Variants in MRPS6 observed in about 807,000 individuals in gnomAD.
MRPS6 encodes small ribosomal subunit protein bS6m.
In MRPS6, 6 loss-of-function variants were observed where a neutral mutation model predicts 13.1. The observed-to-expected ratio is 0.46, with a 90% CI of 0.25 to 0.91. MRPS6 has a LOEUF of 0.91. Among genes scored for constraint, MRPS6 ranks in the 40% least tolerant of loss-of-function variants. The probability of loss-of-function intolerance (pLI) is 0.18; values close to 1 mark genes in which losing one functional copy is unlikely to be tolerated. For synonymous variants in MRPS6, 61 were observed against 56.5 expected (o/e 1.08, Z -0.36); for missense variants, 164 against 155.6 (o/e 1.05, Z -0.29).
intron 1 of MRPS6, among the ~76,000 whole-genome samples, chr21:34,076,422 TG>T (rs1989332433): frequency 6.6e-6 from 1 of 152,116 alleles, no homozygotes; most frequent in African/African-American, 2.4e-5. Flanking sequence ...GATTTCAGAG[TG>T]TATTATGTAG....
intron 2 of MRPS6, among the ~76,000 whole-genome samples, chr21:34,128,647 T>C (rs897154726): frequency 6.6e-6 from 1 of 152,234 alleles, no homozygotes; most frequent in Non-Finnish European, 1.5e-5. Context: ...GTCTGTTGTT[T>C]ATAACTGAGA....
At chr21:34,076,611 C>T (rs1444087806) in intron 1 of MRPS6, among the ~76,000 whole-genome samples, 1 of 152,098 alleles carries the variant, frequency 6.6e-6, no homozygotes, top group Non-Finnish European at 1.5e-5. Flanking sequence ...TTTCAAGTAC[C>T]ATATAGCTTG....
At chr21:34,105,955 CAT>C (rs1156763312) in intron 1 of MRPS6, 12 of 992,604 alleles carry the variant, frequency 1.2e-5, no homozygotes, top group East Asian at 1.1e-4. Context: ...AAATTGTAAA[CAT>C]GTATGATCTT....
At chr21:34,105,166 AC>A (rs1979420739) in intron 1 of MRPS6, 1 of 999,992 alleles carries the variant, frequency 1.0e-6, no homozygotes, top group African/African-American at 1.7e-5. Context: ...CCCCACTGTT[AC>A]TGCTTCAGTT....
rs773441552 is a variant in MRPS6, at chr21:34,142,525, A to T, written c.303A>T (p.Glu101Asp). The change falls in exon 3 of 3, where the codon GAA becomes GAT. Residue 101 changes from glutamate (E) to aspartate (D), a missense_variant. Glu to Asp is a conservative substitution (Grantham distance 45). Coordinates refer to ENST00000399312, the MANE Select transcript of MRPS6 (RefSeq NM_032476.4). ...TTGTCAAACACCCTCTGACCCAGGA[A>T]CTAAAAGAATGTGAAGGGATTGTCC... is the stretch of plus-strand genomic sequence containing the variant. Reference protein sequence around the residue: ...GNIVKHPLTQELKECEGIVPV... With the variant: ...GNIVKHPLTQDLKECEGIVPV... 44 of 1,613,596 alleles carry T rather than the reference A, an allele frequency of 2.7e-5. No homozygotes were observed. The highest frequency in any genetic ancestry group is 3.6e-5 in the Non-Finnish European group (43 of 1,179,884).
intron 1 of MRPS6, among the ~76,000 whole-genome samples, chr21:34,091,575 T>C (rs188230053): frequency 3.9e-5 from 6 of 152,320 alleles, no homozygotes; most frequent in African/African-American, 1.4e-4. Context: ...TTCTATTTGG[T>C]CAAATGCAGC....
chr21:34,134,608 TA>T (rs1980622039), intron 2 of MRPS6, among the ~76,000 whole-genome samples: 1 of 152,324 alleles, frequency 6.6e-6, no homozygotes, highest in African/African-American at 2.4e-5. Context: ...ATAATAAACA[TA>T]TTTGTCACCC....
Position 34,130,118 on chromosome 21 carries a change from C to G in MRPS6, c.185+4638C>G, listed in dbSNP as rs190319270. 1.7e-3 allele frequency among the ~76,000 whole-genome samples: 253 copies of G among 152,284 alleles called. 2 individuals carry two copies. Among genetic ancestry groups the G allele is most frequent in the Non-Finnish European group, 2.8e-3 (190 of 68,014 alleles). On this transcript the variant is annotated intron_variant, in intron 2 of 2. Coordinates refer to ENST00000399312, the MANE Select transcript of MRPS6 (RefSeq NM_032476.4). ...TGCAAAGCCCTCCCATCCCCCTCCC[C>G]CATCCCCCCACCCACTGTGAGCCAC...
rs190094576 is a variant in MRPS6 at position 34,081,725 on chromosome 21, G to A, written c.45+7980G>A. ...AAGTGGTTATGTGACCTTGGAGGTAGTTAAGTGTAGTTCTGTCATTAAAGT... is the reference window on the plus strand; with the variant it reads ...AAGTGGTTATGTGACCTTGGAGGTAATTAAGTGTAGTTCTGTCATTAAAGT... On this transcript the variant is annotated intron_variant, in intron 1 of 2. Transcript: ENST00000399312. Among the ~76,000 whole-genome samples, 22 of 152,346 alleles carry A rather than the reference G, an allele frequency of 1.4e-4. No homozygotes were observed. The East Asian group carries it at 4.2e-3, about 29-fold the overall frequency.
chr21:34,100,005 G>A, intron 1 of MRPS6: 1 of 765,144 alleles, frequency 1.3e-6, no homozygotes, highest in Non-Finnish European at 1.6e-6. Flanking sequence ...TCTTAAGCTA[G>A]CAAAATGTTC....
chr21:34,104,869 A>G (rs1979406944), intron 1 of MRPS6: 3 of 1,000,282 alleles, frequency 3.0e-6, no homozygotes, highest in Non-Finnish European at 3.6e-6. Flanking sequence ...AACTGTACAA[A>G]AAAATGCTTC....
intron 2 of MRPS6, among the ~76,000 whole-genome samples, chr21:34,130,236 T>A (rs1980456293): frequency 6.6e-6 from 1 of 152,198 alleles, no homozygotes; most frequent in Non-Finnish European, 1.5e-5. Flanking sequence ...AAGCAAGCTC[T>A]TTTTATGGAA....
chr21:34,109,149 T>C (rs969721068), intron 1 of MRPS6, among the ~76,000 whole-genome samples: 5 of 152,196 alleles, frequency 3.3e-5, no homozygotes, highest in East Asian at 1.9e-4. Flanking sequence ...TAGTCTCTTA[T>C]TCTTGTCTTA....
chr21:34,139,857 T>A (rs754700834), intron 2 of MRPS6, among the ~76,000 whole-genome samples: 1 of 152,166 alleles, frequency 6.6e-6, no homozygotes, highest in Non-Finnish European at 1.5e-5. Flanking sequence ...GTATTACAGG[T>A]GTGAGCCCCA....
chr21:34,101,824 G>A (rs1357118500), intron 1 of MRPS6: 8 of 998,890 alleles, frequency 8.0e-6, no homozygotes, highest in Non-Finnish European at 9.7e-6. Flanking sequence ...CTTTGTGTTG[G>A]CTAATAATAA....
At chr21:34,137,315 T>A (rs111553915) in intron 2 of MRPS6, among the ~76,000 whole-genome samples, 1,748 of 152,338 alleles carry the variant, frequency 0.011, 38 homozygotes, top group South Asian at 0.081. Context: ...GTGAACAAGA[T>A]ATACCTGATA....
intron 1 of MRPS6, among the ~76,000 whole-genome samples, chr21:34,086,976 A>G (rs992406200): frequency 5.9e-5 from 9 of 152,214 alleles, no homozygotes; most frequent in Non-Finnish European, 1.2e-4. Context: ...AGGTCTGCAC[A>G]TATCACTGCA....
intron 1 of MRPS6, among the ~76,000 whole-genome samples, chr21:34,117,277 T>C (rs768409394): frequency 3.9e-5 from 6 of 152,260 alleles, no homozygotes; most frequent in Non-Finnish European, 8.8e-5. Flanking sequence ...AAGAATTTTC[T>C]CCCTTCCTTT....
chr21:34,076,234 A>G (rs992893753), intron 1 of MRPS6, among the ~76,000 whole-genome samples: 1 of 152,188 alleles, frequency 6.6e-6, no homozygotes, highest in Non-Finnish European at 1.5e-5. Context: ...CCTGGAGAGC[A>G]TTCTTAGTCT....
Sources: gnomAD v4.1 joint callset for allele counts (sites outside exome capture counted in the v4.1 genomes callset) on GRCh38, gnomAD v4.1.1 for gene constraint, MANE v1.5 for transcripts, NCBI Gene and HGNC (gene_info 2026-07-23, HGNC 2026-07-21) for gene names.